The following ZMYM2 variants were observed in gnomAD, a reference collection of about 807,000 sequenced individuals.
ZMYM2 encodes the protein zinc finger MYM-type protein 2.
A neutral mutation model predicts 162.8 loss-of-function variants in ZMYM2; 56 were observed. That is an observed-to-expected ratio of 0.34 (90% CI 0.28 to 0.43). The LOEUF (loss-of-function observed/expected upper bound fraction) is 0.43, where lower values mean the gene tolerates loss of function less well. Among genes scored for constraint, ZMYM2 ranks in the 20% least tolerant of loss-of-function variants. The probability of loss-of-function intolerance (pLI) is 1.00; values close to 1 mark genes in which losing one functional copy is unlikely to be tolerated. For synonymous variants in ZMYM2, 510 were observed against 541.6 expected (o/e 0.94, Z 0.81); for missense variants, 1,275 against 1,621.8 (o/e 0.79, Z 3.67).
chr13:20,075,566 G>A (rs1402850226), intron 21 of ZMYM2, among the ~76,000 whole-genome samples: 1 of 150,872 alleles, frequency 6.6e-6, no homozygotes, highest in Non-Finnish European at 1.5e-5. Context: ...GAAATCCTAC[G>A]ATAACCATCA....
At chr13:20,054,090 G>A (rs1429343562) in intron 14 of ZMYM2, among the ~76,000 whole-genome samples, 3 of 152,178 alleles carry the variant, frequency 2.0e-5, no homozygotes, top group Non-Finnish European at 2.9e-5. Context: ...TGCAGCTGTT[G>A]CCTTTTGTCA....
the ZMYM2 span, among the ~76,000 whole-genome samples, chr13:19,923,224 G>C: frequency 6.7e-6 from 1 of 149,186 alleles, no homozygotes; most frequent in African/African-American, 2.5e-5. Flanking sequence ...AGGCCTGATG[G>C]CGGGCGCCTG....
intron 2 of ZMYM2, among the ~76,000 whole-genome samples, chr13:19,975,747 G>A (rs1956723028): frequency 6.6e-6 from 1 of 152,168 alleles, no homozygotes; most frequent in African/African-American, 2.4e-5. Flanking sequence ...CCATTAAACT[G>A]TTTTCCACAG....
the ZMYM2 span, among the ~76,000 whole-genome samples, chr13:19,870,837 G>A: frequency 2.6e-5 from 4 of 151,846 alleles, no homozygotes; most frequent in East Asian, 3.9e-4. Context: ...ATGTTGGCCA[G>A]GCTGGTCTCC....
intron 2 of ZMYM2, among the ~76,000 whole-genome samples, chr13:19,967,309 A>G (rs1191852296): frequency 6.6e-6 from 1 of 152,182 alleles, no homozygotes; most frequent in East Asian, 1.9e-4. Context: ...TTCTAGAGAT[A>G]TATGAGGGCC....
At chr13:20,012,041 C>T (rs534943532) in intron 6 of ZMYM2, among the ~76,000 whole-genome samples, 247 of 152,204 alleles carry the variant, frequency 1.6e-3, no homozygotes, top group African/African-American at 3.7e-3. Context: ...TGAGCCACAG[C>T]GCCTGGGCTA....
the ZMYM2 span, among the ~76,000 whole-genome samples, chr13:19,921,880 G>C: frequency 1.3e-5 from 2 of 151,792 alleles, no homozygotes; most frequent in African/African-American, 2.4e-5. Flanking sequence ...AGTTGCTTTC[G>C]ACACACACGC....
intron 10 of ZMYM2, among the ~76,000 whole-genome samples, chr13:20,033,048 T>C (rs1176503824): frequency 6.6e-6 from 1 of 152,178 alleles, no homozygotes; most frequent in Non-Finnish European, 1.5e-5. Context: ...GAGACTGTTG[T>C]TGGCATCCAG....
chr13:19,939,231 C>A, the ZMYM2 span, among the ~76,000 whole-genome samples: 1 of 151,752 alleles, frequency 6.6e-6, no homozygotes, highest in South Asian at 2.1e-4. Flanking sequence ...ACCATGTTGC[C>A]CAGGCTGGTC....
At chr13:20,070,271 G>T (rs1956984002) in intron 21 of ZMYM2, 3 of 183,556 alleles carry the variant, frequency 1.6e-5, no homozygotes, top group South Asian at 2.6e-4. Context: ...TTCACCACTA[G>T]CCAGTTCGTT....
chr13:20,046,750 T>C (rs1400291849), intron 12 of ZMYM2, among the ~76,000 whole-genome samples: 2 of 151,586 alleles, frequency 1.3e-5, no homozygotes, highest in African/African-American at 4.8e-5. Flanking sequence ...TTCCCTTTTT[T>C]TGGGAAGCAA....
At chr13:20,019,106 CAA>C (rs67352152) in intron 6 of ZMYM2, among the ~76,000 whole-genome samples, 1 of 134,920 alleles carries the variant, frequency 7.4e-6, no homozygotes, top group Non-Finnish European at 1.5e-5. Context: ...ACAACAACAA[CAA>C]AAAAAAACAA....
At chr13:20,034,526 G>A (rs111336365) in intron 11 of ZMYM2, 122 bp downstream of exon 11, 107 of 918,292 alleles carry the variant, frequency 1.2e-4, no homozygotes, top group African/African-American at 1.1e-3. Context: ...TTGAGTTTAC[G>A]TTTCTACTGA....
chr13:19,877,154 G>T, the ZMYM2 span, among the ~76,000 whole-genome samples: 8 of 147,280 alleles, frequency 5.4e-5, no homozygotes, highest in South Asian at 1.7e-3. Flanking sequence ...GGAGCTTGCA[G>T]TAAGCCGAGA....
At chr13:19,937,286 G>T in the ZMYM2 span, among the ~76,000 whole-genome samples, 1 of 151,828 alleles carries the variant, frequency 6.6e-6, no homozygotes, top group Non-Finnish European at 1.5e-5. Context: ...GCACGCCAGC[G>T]CCACCATGCC....
In ZMYM2 at chr13:20,081,996, G is replaced by C. The variant is rs759963680; in HGVS notation, c.3454-20G>C. 1.8e-5 allele frequency: 22 copies of C among 1,243,308 alleles called. 1 individual carries two copies. The highest frequency in any genetic ancestry group is 2.3e-5 in the Non-Finnish European group (22 of 937,256). 77.0% of individuals were successfully genotyped at this position (1,243,308 alleles called of 1,614,324 possible). On this transcript the variant is annotated intron_variant, in intron 21 of 24. Transcript: ENST00000610343. ...GATTTTCTTTCAAGAAAGTTTGTGG[G>C]GCTTTTTTTTTTTTTATAGTATTTG...
chr13:19,935,912 C>CT, the ZMYM2 span, among the ~76,000 whole-genome samples: 1 of 152,150 alleles, frequency 6.6e-6, no homozygotes, highest in Non-Finnish European at 1.5e-5. Context: ...GTGTGAACTG[C>CT]AAGAGTTTTA....
At chr13:19,903,587 C>G in the ZMYM2 span, among the ~76,000 whole-genome samples, 1 of 150,874 alleles carries the variant, frequency 6.6e-6, no homozygotes, top group African/African-American at 2.4e-5. Flanking sequence ...AAAAAAGAGG[C>G]CGAAGTGTGA....
At chr13:19,936,306 C>T in the ZMYM2 span, among the ~76,000 whole-genome samples, 1 of 152,120 alleles carries the variant, frequency 6.6e-6, no homozygotes, top group Non-Finnish European at 1.5e-5. Flanking sequence ...TGAGGCTTTG[C>T]TACATAAACT....
Sources: gnomAD v4.1 joint callset for allele counts (sites outside exome capture counted in the v4.1 genomes callset) on GRCh38, gnomAD v4.1.1 for gene constraint, MANE v1.5 for transcripts, NCBI Gene and HGNC (gene_info 2026-07-23, HGNC 2026-07-21) for gene names.